Variants in GRXCR1 observed in about 807,000 individuals in gnomAD.
GRXCR1 encodes the protein glutaredoxin and cysteine rich domain containing 1, also known as glutaredoxin domain-containing cysteine-rich protein 1.
Under a neutral mutation model 27.3 loss-of-function variants are expected in GRXCR1, and 27 were observed. That is an observed-to-expected ratio of 0.99 (90% confidence interval 0.73 to 1.37). The LOEUF is 1.37. GRXCR1 is among the 40% of genes most tolerant of loss of function. GRXCR1 has a pLI of 0.00. For synonymous variants in GRXCR1, 122 were observed against 131.1 expected (o/e 0.93, Z 0.47); for missense variants, 379 against 354.4 (o/e 1.07, Z -0.56).
chr4:42,987,252 TA>T (rs1252226727), intron 2 of GRXCR1, among the ~76,000 whole-genome samples: 2 of 82,334 alleles, frequency 2.4e-5, no homozygotes, highest in African/African-American at 4.9e-5. Flanking sequence ...ATATATAATA[TA>T]TATATATAAT....
At chr4:42,915,166 A>G (rs1746857311) in intron 1 of GRXCR1, among the ~76,000 whole-genome samples, 1 of 152,174 alleles carries the variant, frequency 6.6e-6, no homozygotes, top group South Asian at 2.1e-4. Context: ...GGGCAGCAGT[A>G]AAAGAGGCGG....
At chr4:42,933,827 A>G (rs1251336832) in intron 1 of GRXCR1, among the ~76,000 whole-genome samples, 1 of 151,858 alleles carries the variant, frequency 6.6e-6, no homozygotes, top group Non-Finnish European at 1.5e-5. Flanking sequence ...AAAGCCACCC[A>G]GTTGATGATA....
chr4:42,965,728 G>T (rs1471423881), intron 2 of GRXCR1, among the ~76,000 whole-genome samples: 6 of 151,954 alleles, frequency 3.9e-5, no homozygotes, highest in Non-Finnish European at 4.4e-5. Flanking sequence ...TTATAGGAAG[G>T]AGAGAGAAAA....
At chr4:42,932,488 G>A (rs1278746465) in intron 1 of GRXCR1, among the ~76,000 whole-genome samples, 1 of 146,492 alleles carries the variant, frequency 6.8e-6, no homozygotes, top group Non-Finnish European at 1.5e-5. Flanking sequence ...TGGTCTCTTA[G>A]CAGCCTCTTG....
chr4:43,022,872 A>G (rs1436042798), intron 3 of GRXCR1, among the ~76,000 whole-genome samples: 7 of 152,198 alleles, frequency 4.6e-5, no homozygotes, highest in Admixed American at 4.6e-4. Context: ...CCGGCATTTT[A>G]TATGTATTAA....
intron 2 of GRXCR1, among the ~76,000 whole-genome samples, chr4:42,995,084 C>T (rs182022824): frequency 1.7e-3 from 262 of 151,810 alleles, no homozygotes; most frequent in Non-Finnish European, 3.1e-3. Context: ...TCATTTTTTC[C>T]TTAGTCTATA....
intron 1 of GRXCR1, among the ~76,000 whole-genome samples, chr4:42,912,934 A>T (rs1746757341): frequency 2.0e-5 from 3 of 152,052 alleles, no homozygotes; most frequent in Admixed American, 2.0e-4. Flanking sequence ...ATAAGATCTG[A>T]TGGTTTTATA....
At chr4:42,967,597 AT>A (rs1359472282) in intron 2 of GRXCR1, among the ~76,000 whole-genome samples, 1 of 151,858 alleles carries the variant, frequency 6.6e-6, no homozygotes, top group Admixed American at 6.6e-5. Context: ...ATTGATTGAT[AT>A]TTTTCTTCAT....
At chr4:42,903,051 T>C (rs1003482655) in intron 1 of GRXCR1, among the ~76,000 whole-genome samples, 3 of 151,638 alleles carry the variant, frequency 2.0e-5, no homozygotes, top group Non-Finnish European at 4.4e-5. Context: ...GCACTGGGCT[T>C]CTAGAACTCA....
intron 3 of GRXCR1, among the ~76,000 whole-genome samples, chr4:43,023,234 C>A (rs954327831): frequency 6.6e-6 from 1 of 152,182 alleles, no homozygotes; most frequent in Non-Finnish European, 1.5e-5. Context: ...TAGACATATC[C>A]TGGCAAGTTC....
chr4:42,907,534 T>G (rs1746624673), intron 1 of GRXCR1, among the ~76,000 whole-genome samples: 1 of 152,140 alleles, frequency 6.6e-6, no homozygotes, highest in Non-Finnish European at 1.5e-5. Flanking sequence ...GAGTCTGAGC[T>G]CTGAGCATTA....
At chr4:42,983,988 A>T (rs1440069059) in intron 2 of GRXCR1, among the ~76,000 whole-genome samples, 2 of 151,822 alleles carry the variant, frequency 1.3e-5, no homozygotes, top group Non-Finnish European at 2.9e-5. Flanking sequence ...GGTGCCCACC[A>T]TCATGCCTGA....
chr4:42,932,757 G>A (rs898862726), intron 1 of GRXCR1, among the ~76,000 whole-genome samples: 1 of 150,556 alleles, frequency 6.6e-6, no homozygotes, highest in Admixed American at 6.6e-5. Flanking sequence ...TGTTAAGAGA[G>A]AATTTACTCC....
chr4:43,003,336 A>C (rs1174599000), intron 2 of GRXCR1, among the ~76,000 whole-genome samples: 1 of 152,134 alleles, frequency 6.6e-6, no homozygotes, highest in Non-Finnish European at 1.5e-5. Flanking sequence ...GAAGTGTGAG[A>C]ATGGACTAAT....
rs546685321 is a variant in GRXCR1, at chr4:42,925,063, A to G, written c.384+31413A>G. On this transcript the variant is annotated intron_variant, in intron 1 of 3. Coordinates refer to ENST00000399770, the MANE Select transcript of GRXCR1 (RefSeq NM_001080476.3). Reference sequence around the variant, plus strand: ...GCATTGGCCCTAAGCATGAAAGAGAAAAAAAAAAAAGAAAGCTTATGAGGA... The same window carrying G: ...GCATTGGCCCTAAGCATGAAAGAGAGAAAAAAAAAAGAAAGCTTATGAGGA... Among the ~76,000 whole-genome samples the G allele has an allele frequency of 1.0e-3, 139 of 135,128 alleles. No individual in the cohort carries two copies. In the Middle Eastern group the frequency reaches 0.012, roughly 11 times the overall value. The allele number at this position is 135,128 out of a possible 152,430, so 88.6% of individuals were successfully genotyped here. A position where few individuals can be genotyped will look rare whatever the true frequency, so the allele number is the denominator to read the frequency against.
At chr4:42,979,337 T>C (rs187760574) in intron 2 of GRXCR1, among the ~76,000 whole-genome samples, 31 of 152,186 alleles carry the variant, frequency 2.0e-4, no homozygotes, top group Non-Finnish European at 4.0e-4. Flanking sequence ...ATACGGCCTT[T>C]AGTGTTGAGA....
chr4:42,994,484 T>C (rs987108294), intron 2 of GRXCR1, among the ~76,000 whole-genome samples: 3 of 152,094 alleles, frequency 2.0e-5, no homozygotes, highest in African/African-American at 4.8e-5. Flanking sequence ...AGACAGGAAG[T>C]TGTACAAGTT....
intron 2 of GRXCR1, among the ~76,000 whole-genome samples, chr4:42,987,261 A>ATATATTAT (rs1491549715): frequency 9.3e-5 from 9 of 97,268 alleles, no homozygotes; most frequent in Admixed American, 2.7e-4. Flanking sequence ...ATATATATAT[A>ATATATTAT]ATATATATAT....
At chr4:42,990,959 C>T (rs539072064) in intron 2 of GRXCR1, among the ~76,000 whole-genome samples, 5 of 152,014 alleles carry the variant, frequency 3.3e-5, no homozygotes, top group East Asian at 1.9e-4. Flanking sequence ...TCTTAGTAAT[C>T]TATTATATTT....
Sources: gnomAD v4.1 joint callset for allele counts (sites outside exome capture counted in the v4.1 genomes callset) on GRCh38, gnomAD v4.1.1 for gene constraint, MANE v1.5 for transcripts, NCBI Gene and HGNC (gene_info 2026-07-23, HGNC 2026-07-21) for gene names.